The following DRC8 variants were observed in gnomAD, a reference collection of about 807,000 sequenced individuals.
DRC8 encodes the protein dynein regulatory complex protein 8.
At chr1:245,088,046 C>A in the DRC8 span, among the ~76,000 whole-genome samples, 2 of 152,190 alleles carry the variant, frequency 1.3e-5, no homozygotes, top group African/African-American at 4.8e-5. This position sits in a 1 kb window ranked among gnomAD's most constrained non-coding sequence, Gnocchi z 4.6. Flanking sequence ...TCACCCACTC[C>A]GCATATCTGT....
chr1:245,000,283 A>T, the DRC8 span, among the ~76,000 whole-genome samples: 1 of 152,214 alleles, frequency 6.6e-6, no homozygotes. Flanking sequence ...TGAAGAAGGG[A>T]TGGAGTGGAA....
At chr1:245,049,849 G>A in the DRC8 span, among the ~76,000 whole-genome samples, 5 of 152,302 alleles carry the variant, frequency 3.3e-5, no homozygotes, top group East Asian at 7.7e-4. The surrounding 1 kb of genome is among the most constrained non-coding windows in gnomAD (Gnocchi z 4.5). Flanking sequence ...TGTGAATCCC[G>A]TTTCCACCAT....
At chr1:245,100,005 A>T in the DRC8 span, among the ~76,000 whole-genome samples, 4 of 152,106 alleles carry the variant, frequency 2.6e-5, no homozygotes, top group Non-Finnish European at 4.4e-5. Flanking sequence ...TTTATTCATA[A>T]TTTTTTTCAG....
At chr1:244,970,624 G>GC in the DRC8 span, 1 of 452,706 alleles carries the variant, frequency 2.2e-6, no homozygotes. Flanking sequence ...CCCGTAGCCC[G>GC]CCCGGCCCGC....
chr1:245,078,008 TTGCAAAAACAAAAACG>T, the DRC8 span, among the ~76,000 whole-genome samples: 2 of 151,806 alleles, frequency 1.3e-5, no homozygotes, highest in African/African-American at 4.8e-5. Flanking sequence ...GACAACTCAA[TTGCAAAAACAAAAACG>T]ACCTAATTAA....
At chr1:245,002,809 A>C in the DRC8 span, among the ~76,000 whole-genome samples, 1 of 151,918 alleles carries the variant, frequency 6.6e-6, no homozygotes, top group African/African-American at 2.4e-5. Context: ...AAAAAAATCA[A>C]CCTTGTTAAT....
At chr1:245,073,279 G>C in the DRC8 span, among the ~76,000 whole-genome samples, 2 of 152,088 alleles carry the variant, frequency 1.3e-5, no homozygotes, top group African/African-American at 4.8e-5. Context: ...GGGACTACAG[G>C]CATGCACCAC....
the DRC8 span, among the ~76,000 whole-genome samples, chr1:245,077,790 T>C: frequency 1.9e-3 from 294 of 152,252 alleles, 2 homozygotes; most frequent in African/African-American, 6.6e-3. Flanking sequence ...ATAGGGAAAA[T>C]GCTCTTTGAC....
At chr1:245,109,579 G>T in the DRC8 span, among the ~76,000 whole-genome samples, 2 of 152,178 alleles carry the variant, frequency 1.3e-5, no homozygotes, top group Admixed American at 1.3e-4. Flanking sequence ...AATACTGGCC[G>T]CACGTACTGG....
the DRC8 span, among the ~76,000 whole-genome samples, chr1:244,977,226 G>A: frequency 6.6e-6 from 1 of 152,042 alleles, no homozygotes; most frequent in Admixed American, 6.6e-5. Context: ...GCAGTGTGAA[G>A]GTACTTAACA....
the DRC8 span, among the ~76,000 whole-genome samples, chr1:245,081,527 G>C: frequency 6.6e-6 from 1 of 151,906 alleles, no homozygotes; most frequent in Non-Finnish European, 1.5e-5. Context: ...GGAGTACAGT[G>C]GTGCGATCTC....
At chr1:245,077,694 C>T in the DRC8 span, among the ~76,000 whole-genome samples, 11 of 152,062 alleles carry the variant, frequency 7.2e-5, no homozygotes, top group African/African-American at 7.2e-5. Context: ...AAATTGGATC[C>T]GTATCTCACA....
chr1:245,114,835 C>T, the DRC8 span, among the ~76,000 whole-genome samples: 1 of 152,200 alleles, frequency 6.6e-6, no homozygotes, highest in African/African-American at 2.4e-5. Flanking sequence ...AAGCGATTCT[C>T]TTGCCTCAGC....
chr1:245,083,818 A>G, the DRC8 span: 23 of 1,365,250 alleles, frequency 1.7e-5, no homozygotes, highest in Non-Finnish European at 2.2e-5. Context: ...TGTTCCTGCT[A>G]TTTTGGCTTG....
chr1:245,104,012 G>A, the DRC8 span, among the ~76,000 whole-genome samples: 1 of 152,152 alleles, frequency 6.6e-6, no homozygotes, highest in South Asian at 2.1e-4. Flanking sequence ...TGACTGGGTG[G>A]TTCAAACTTT....
At chr1:244,980,316 C>T in the DRC8 span, among the ~76,000 whole-genome samples, 3 of 151,428 alleles carry the variant, frequency 2.0e-5, no homozygotes, top group South Asian at 4.1e-4. Flanking sequence ...CAGGATTGCA[C>T]CACTGAACTC....
At chr1:245,082,649 C>A in the DRC8 span, among the ~76,000 whole-genome samples, 2 of 152,114 alleles carry the variant, frequency 1.3e-5, no homozygotes, top group African/African-American at 2.4e-5. Flanking sequence ...AAAAAGATTT[C>A]AATGAGGCAA....
the DRC8 span, among the ~76,000 whole-genome samples, chr1:245,105,342 A>AT: frequency 1.2e-3 from 186 of 151,822 alleles, no homozygotes; most frequent in African/African-American, 3.9e-3. Context: ...CAAAATGGTG[A>AT]TTTTTTTTTA....
At chr1:245,005,568 C>T in the DRC8 span, among the ~76,000 whole-genome samples, 2 of 152,058 alleles carry the variant, frequency 1.3e-5, no homozygotes, top group Admixed American at 1.3e-4. Context: ...GCCTTGAACT[C>T]CTGGCCTTGA....
Sources: gnomAD v4.1 joint callset for allele counts (sites outside exome capture counted in the v4.1 genomes callset) on GRCh38, gnomAD v4.1.1 for gene constraint, Gnocchi (gnomAD v3.1) non-coding constraint, MANE v1.5 for transcripts, NCBI Gene and HGNC (gene_info 2026-07-23, HGNC 2026-07-21) for gene names.